Variants in KCNQ5 observed in about 807,000 individuals in gnomAD.
The protein encoded by KCNQ5 is potassium voltage-gated channel subfamily Q member 5.
In KCNQ5, 30 loss-of-function variants were observed where a neutral mutation model predicts 98.2. That is an observed-to-expected ratio of 0.31 (90% confidence interval 0.23 to 0.41). The LOEUF (loss-of-function observed/expected upper bound fraction) is 0.41. Among genes scored for constraint, KCNQ5 ranks in the 10% least tolerant of loss-of-function variants. The pLI, the probability that KCNQ5 is intolerant of heterozygous loss-of-function variation, is 1.00. For synonymous variants in KCNQ5, 458 were observed against 449.4 expected (o/e 1.02, Z -0.24); for missense variants, 835 against 1,182.5 (o/e 0.71, Z 4.31).
intron 1 of KCNQ5, among the ~76,000 whole-genome samples, chr6:72,983,647 T>C (rs895822002): frequency 2.6e-5 from 4 of 152,198 alleles, no homozygotes; most frequent in African/African-American, 7.2e-5. Flanking sequence ...AATTTTGTTA[T>C]TACCAACCTT....
intron 1 of KCNQ5, among the ~76,000 whole-genome samples, chr6:72,735,967 A>AG (rs1770807690): frequency 6.6e-6 from 1 of 152,140 alleles, no homozygotes; most frequent in Admixed American, 6.5e-5. Context: ...GTGTATAGCT[A>AG]GTGTAGCAAT....
intron 5 of KCNQ5, among the ~76,000 whole-genome samples, chr6:73,090,329 G>C (rs1162313694): frequency 1.3e-5 from 2 of 152,100 alleles, no homozygotes; most frequent in African/African-American, 4.8e-5. Flanking sequence ...CAAATGTATA[G>C]ATTATAACGA....
intron 1 of KCNQ5, among the ~76,000 whole-genome samples, chr6:72,944,735 T>G (rs1474523629): frequency 6.6e-6 from 1 of 152,172 alleles, no homozygotes. Flanking sequence ...GCCACCAACC[T>G]GTGGCAGCCT....
intron 2 of KCNQ5, among the ~76,000 whole-genome samples, chr6:73,021,280 T>C (rs756159633): frequency 3.9e-5 from 6 of 152,172 alleles, no homozygotes; most frequent in Non-Finnish European, 8.8e-5. Flanking sequence ...GATTGAAAAC[T>C]ATATAAGAAT....
chr6:72,639,992 T>G (rs1282591179), intron 1 of KCNQ5, among the ~76,000 whole-genome samples: 1 of 152,102 alleles, frequency 6.6e-6, no homozygotes, highest in East Asian at 1.9e-4. Flanking sequence ...GGAGCTATGA[T>G]AAGGCAACAT....
At chr6:73,101,645 C>T (rs1774777885) in intron 5 of KCNQ5, among the ~76,000 whole-genome samples, 1 of 151,742 alleles carries the variant, frequency 6.6e-6, no homozygotes, top group Admixed American at 6.6e-5. Flanking sequence ...GAAAATAATC[C>T]CATTTACAAT....
chr6:72,736,229 A>G (rs1770823927), intron 1 of KCNQ5, among the ~76,000 whole-genome samples: 1 of 152,154 alleles, frequency 6.6e-6, no homozygotes, highest in Non-Finnish European at 1.5e-5. Flanking sequence ...TCCCAGGAGT[A>G]TAACCCAAGA....
At chr6:72,856,021 T>C (rs1777518094) in intron 1 of KCNQ5, among the ~76,000 whole-genome samples, 1 of 152,196 alleles carries the variant, frequency 6.6e-6, no homozygotes, top group Admixed American at 6.5e-5. Flanking sequence ...GTATACACTC[T>C]TACTGTGTAA....
At chr6:72,987,249 A>AG (rs1323152438) in intron 1 of KCNQ5, 2 of 690,302 alleles carry the variant, frequency 2.9e-6, no homozygotes, top group Non-Finnish European at 5.6e-6. Context: ...TGGGGCAGCA[A>AG]GAGACCCTTG....
intron 1 of KCNQ5, among the ~76,000 whole-genome samples, chr6:72,775,238 A>G (rs1239016990): frequency 1.3e-5 from 2 of 152,214 alleles, no homozygotes; most frequent in African/African-American, 2.4e-5. Context: ...AACAACATGG[A>G]TGAATGTCAC....
In KCNQ5 at chr6:73,196,320, CA is replaced by C. The variant is rs1363445981; in HGVS notation, c.*907del. Reference sequence around the variant, plus strand: ...AAGCTATTCTCATTTCGCTGACATACAGGTAGGACTATGGGGGATGGGACAT... The same window carrying C: ...AAGCTATTCTCATTTCGCTGACATACGGTAGGACTATGGGGGATGGGACAT... On this transcript the variant is annotated 3_prime_UTR_variant, in exon 14 of 14. Transcript: ENST00000370398. The C allele has an allele frequency of 1.3e-5, 2 of 152,140 alleles. No homozygotes were observed. The highest frequency in any genetic ancestry group is 2.9e-5 in the Non-Finnish European group (2 of 68,034). The allele number at this position is 152,140 out of a possible 1,614,324, so 9.4% of individuals were successfully genotyped here. A position where few individuals can be genotyped will look rare whatever the true frequency, so the allele number is the denominator to read the frequency against.
chr6:72,858,259 A>G (rs960061991), intron 1 of KCNQ5, among the ~76,000 whole-genome samples: 6 of 152,138 alleles, frequency 3.9e-5, no homozygotes, highest in Non-Finnish European at 7.4e-5. Context: ...ATGCTTTAAA[A>G]TTGTTTCTAT....
Position 72,727,140 on chromosome 6 carries a change from A to G in KCNQ5, c.398+104553A>G, listed in dbSNP as rs546796205. Among the ~76,000 whole-genome samples the G allele has an allele frequency of 9.8e-5, 15 of 152,362 alleles. No homozygotes were observed. In the South Asian group the frequency reaches 2.7e-3, roughly 27 times the overall value. ...ATGTAACCATTAATTTTAAACTGTGATGAGCCATATACCCCACATAGCACA... is the reference window on the plus strand; with the variant it reads ...ATGTAACCATTAATTTTAAACTGTGGTGAGCCATATACCCCACATAGCACA... On this transcript the variant is annotated intron_variant, in intron 1 of 13. Coordinates refer to ENST00000370398, the MANE Select transcript of KCNQ5 (RefSeq NM_019842.4).
At chr6:72,907,007 G>GA (rs1034436695) in intron 1 of KCNQ5, among the ~76,000 whole-genome samples, 55 of 152,298 alleles carry the variant, frequency 3.6e-4, no homozygotes, top group African/African-American at 1.3e-3. Context: ...AAGATTATAA[G>GA]AATCTTGTAG....
At chr6:72,632,611 A>G (rs994613363) in intron 1 of KCNQ5, among the ~76,000 whole-genome samples, 4 of 152,042 alleles carry the variant, frequency 2.6e-5, no homozygotes, top group African/African-American at 7.2e-5. Flanking sequence ...CCAAGTGTAT[A>G]TTGTTCCCAT....
intron 11 of KCNQ5, among the ~76,000 whole-genome samples, chr6:73,181,276 C>T (rs1037716868): frequency 7.2e-5 from 11 of 152,206 alleles, no homozygotes; most frequent in African/African-American, 2.4e-4. Context: ...CTAGTCTCTT[C>T]ATAACCAACA....
At chr6:73,020,090 G>A (rs902010545) in intron 2 of KCNQ5, among the ~76,000 whole-genome samples, 5 of 152,146 alleles carry the variant, frequency 3.3e-5, no homozygotes, top group African/African-American at 1.2e-4. Flanking sequence ...CAAGCGATCA[G>A]TTTTAGAGTG....
At chr6:73,115,980 A>G (rs1775473459) in intron 7 of KCNQ5, among the ~76,000 whole-genome samples, 1 of 152,226 alleles carries the variant, frequency 6.6e-6, no homozygotes, top group Non-Finnish European at 1.5e-5. Flanking sequence ...AAGCGAAAGA[A>G]TGGAGTTCTC....
chr6:73,008,513 A>C (rs1221822323), intron 2 of KCNQ5, among the ~76,000 whole-genome samples: 1 of 152,178 alleles, frequency 6.6e-6, no homozygotes, highest in East Asian at 1.9e-4. Context: ...TATAAGAGAT[A>C]AAGAAGGGCA....
Sources: allele counts gnomAD v4.1 joint callset (sites outside exome capture counted in the v4.1 genomes callset), GRCh38; gene constraint gnomAD v4.1.1; transcripts MANE v1.5; gene names NCBI Gene and HGNC (gene_info 2026-07-23, HGNC 2026-07-21).